NRP2: variants seen among roughly 807,000 people sequenced by gnomAD.
The protein encoded by NRP2 is neuropilin-2.
Under a neutral mutation model 110.4 loss-of-function variants are expected in NRP2, and 52 were observed. The ratio of observed to expected loss-of-function variants is 0.47; its 90% CI spans 0.38 to 0.59. The LOEUF (loss-of-function observed/expected upper bound fraction) is 0.59, where lower values mean the gene tolerates loss of function less well. Among genes scored for constraint, NRP2 ranks in the 20% least tolerant of loss-of-function variants. The pLI is 0.00. For synonymous variants in NRP2, 508 were observed against 468.9 expected (o/e 1.08, Z -1.08); for missense variants, 1,049 against 1,203.0 (o/e 0.87, Z 1.89).
At chr2:205,766,723 A>G (rs1312919400) in intron 14 of NRP2, 60 bp from the exon 15 acceptor site, 3 of 1,423,736 alleles carry the variant, frequency 2.1e-6, no homozygotes, top group African/African-American at 1.4e-5. Flanking sequence ...TATTCACTCT[A>G]TGTTCACCCA....
intron 11 of NRP2, among the ~76,000 whole-genome samples, 168 bp downstream of exon 11, chr2:205,750,009 C>T (rs915254996): frequency 1.3e-5 from 2 of 152,194 alleles, no homozygotes; most frequent in African/African-American, 2.4e-5. Flanking sequence ...TGGCTGTTTA[C>T]AACCAATGTA....
intron 15 of NRP2, 23 bp from the exon 16 acceptor site, chr2:205,792,211 GT>G: frequency 6.6e-7 from 1 of 1,519,878 alleles, no homozygotes; most frequent in Non-Finnish European, 9.1e-7. Flanking sequence ...TTATTAACTT[GT>G]TTTTATTTTC....
intron 1 of NRP2, among the ~76,000 whole-genome samples, chr2:205,689,325 G>A (rs374547400): frequency 2.6e-5 from 4 of 152,098 alleles, no homozygotes; most frequent in South Asian, 2.1e-4. Context: ...TATGTGCCTC[G>A]GTTTCCTTGT....
chr2:205,745,654 G>A (rs2057524543), intron 9 of NRP2, 92 bp from the exon 10 acceptor site: 1 of 1,483,578 alleles, frequency 6.7e-7, no homozygotes, highest in Non-Finnish European at 9.3e-7. Context: ...AGCAGGACGT[G>A]CGGGGCAGGG....
chr2:205,748,841 C>G (rs1243706827), intron 10 of NRP2, among the ~76,000 whole-genome samples: 1 of 152,192 alleles, frequency 6.6e-6, no homozygotes, highest in African/African-American at 2.4e-5. Context: ...CCATTCACTC[C>G]CTCAATAGTT....
rs538611536 is a variant in NRP2, at chr2:205,763,306, T to C, written c.2045-368T>C. On this transcript the variant is annotated intron_variant, in intron 12 of 16. Transcript: ENST00000357785. This position sits in a 1 kb window ranked among gnomAD's most constrained non-coding sequence, Gnocchi z 4.0. ...AGATTGCACTGGCCCTTTGGGTGAG[T>C]TAATGATGAATAAGATGTGGGTCTG... is the stretch of plus-strand genomic sequence containing the variant. 1.1e-4 allele frequency among the ~76,000 whole-genome samples: 16 copies of C among 150,054 alleles called. No homozygotes were observed. Among genetic ancestry groups the C allele is most frequent in the Non-Finnish European group, 2.1e-4 (14 of 67,590 alleles).
At chr2:205,716,068 T>A (rs1158760422) in intron 2 of NRP2, 125 bp from the exon 3 acceptor site, 3 of 1,027,198 alleles carry the variant, frequency 2.9e-6, no homozygotes, top group Admixed American at 1.7e-5. Context: ...ATAAGTGCCC[T>A]TCGCTTATCC....
At chr2:205,787,302 G>A (rs1575683150) in intron 15 of NRP2, among the ~76,000 whole-genome samples, 1 of 152,166 alleles carries the variant, frequency 6.6e-6, no homozygotes, top group African/African-American at 2.4e-5. Context: ...AGGCTTCTGA[G>A]TGTCTCTGCT....
rs539380914 is a variant in NRP2, at chr2:205,785,369, T to G, written c.2426-6866T>G. 6.6e-5 allele frequency among the ~76,000 whole-genome samples: 10 copies of G among 152,188 alleles called. No individual in the cohort carries two copies. In the South Asian group the frequency reaches 2.1e-3, roughly 32 times the overall value. On this transcript the variant is annotated intron_variant, in intron 15 of 16. Coordinates refer to ENST00000357785, the MANE Select transcript of NRP2 (RefSeq NM_003872.3). ...CCCTGAAATATGAAGATACATGACT[T>G]TTTCCCCTAGCATCCCAGGAAAAAA...
intron 2 of NRP2, 63 bp from the exon 3 acceptor site, chr2:205,716,130 G>C: frequency 2.6e-6 from 4 of 1,539,246 alleles, no homozygotes; most frequent in Non-Finnish European, 3.6e-6. Flanking sequence ...AAGTGGGAGC[G>C]ACACAGTGGT....
intron 15 of NRP2, among the ~76,000 whole-genome samples, chr2:205,770,385 G>T (rs1203940929): frequency 7.9e-5 from 12 of 152,082 alleles, no homozygotes; most frequent in Non-Finnish European, 1.5e-5. Context: ...ATTAAGAGAG[G>T]CCCATTTTGG....
chr2:205,752,766 G>A, intron 11 of NRP2, 69 bp from the exon 12 acceptor site: 1 of 1,551,410 alleles, frequency 6.4e-7, no homozygotes, highest in Non-Finnish European at 8.9e-7. Context: ...CATTTAAATA[G>A]TACCACTGTG....
chr2:205,776,943 T>C, intron 15 of NRP2: 1 of 1,152,032 alleles, frequency 8.7e-7, no homozygotes, highest in Non-Finnish European at 1.1e-6. Flanking sequence ...ATGTACATAG[T>C]AGACATGTGT....
chr2:205,793,565 T>G (rs2058324159), intron 16 of NRP2, among the ~76,000 whole-genome samples: 1 of 152,160 alleles, frequency 6.6e-6, no homozygotes, highest in African/African-American at 2.4e-5. Context: ...AAGATCAACA[T>G]GTGGACAGGG....
chr2:205,778,557 T>C (rs1414477278), intron 15 of NRP2: 1 of 152,212 alleles, frequency 6.6e-6, no homozygotes, highest in Non-Finnish European at 1.5e-5. Context: ...TAAGGGCTTT[T>C]ACCTCGGCTG....
At chr2:205,774,563 T>A (rs1218441233) in intron 15 of NRP2, among the ~76,000 whole-genome samples, 2 of 152,176 alleles carry the variant, frequency 1.3e-5, no homozygotes, top group Non-Finnish European at 2.9e-5. Flanking sequence ...GAGGTGCCAA[T>A]GAACCTGCAC....
rs529466870 is a variant in NRP2 at position 205,787,868 on chromosome 2, G to C, written c.2426-4367G>C. 2.6e-5 allele frequency among the ~76,000 whole-genome samples: 4 copies of C among 152,172 alleles called. 1 individual carries two copies. The highest frequency in any genetic ancestry group is 6.5e-5 in the Admixed American group (1 of 15,286). The stretch of plus-strand genomic sequence containing the variant: ...CCAGGCAGCAGGTTGGAGTGTCTTG[G>C]GGGTGTTTCCCCTGAGCAGCATGTG... On this transcript the variant is annotated intron_variant, in intron 15 of 16. Coordinates refer to ENST00000357785, the MANE Select transcript of NRP2 (RefSeq NM_003872.3).
At chr2:205,776,675 C>A in intron 15 of NRP2, 2 of 1,541,828 alleles carry the variant, frequency 1.3e-6, no homozygotes, top group Middle Eastern at 2.3e-4. Context: ...TCTTATCAAT[C>A]CCAACCATCC....
At chr2:205,697,792 T>C in intron 2 of NRP2, 71 bp downstream of exon 2, 1 of 1,455,566 alleles carries the variant, frequency 6.9e-7, no homozygotes, top group African/African-American at 1.4e-5. Context: ...CCCCTGCTCT[T>C]GTCACTTCTA....
Sources: gnomAD v4.1 joint callset for allele counts (sites outside exome capture counted in the v4.1 genomes callset) on GRCh38, gnomAD v4.1.1 for gene constraint, Gnocchi (gnomAD v3.1) non-coding constraint, MANE v1.5 for transcripts, NCBI Gene and HGNC (gene_info 2026-07-23, HGNC 2026-07-21) for gene names.